The following NAA35 variants were observed in gnomAD, a reference collection of about 807,000 sequenced individuals.
NAA35 encodes N-alpha-acetyltransferase 35, NatC auxiliary subunit.
In NAA35, 18 loss-of-function variants were observed where a neutral mutation model predicts 101.7. The observed-to-expected ratio is 0.18, with a 90% CI of 0.12 to 0.26. NAA35 has a LOEUF of 0.26. Among genes scored for constraint, NAA35 ranks in the 10% least tolerant of loss-of-function variants. The pLI, the probability that NAA35 is intolerant of heterozygous loss-of-function variation, is 1.00. For synonymous variants in NAA35, 267 were observed against 273.1 expected (o/e 0.98, Z 0.22); for missense variants, 601 against 886.8 (o/e 0.68, Z 4.09).
chr9:85,994,587 G>A (rs1447416315), intron 11 of NAA35, among the ~76,000 whole-genome samples: 2 of 152,138 alleles, frequency 1.3e-5, no homozygotes, highest in African/African-American at 2.4e-5. Context: ...AATTGCCTAT[G>A]TAACTCTGGA....
chr9:85,962,108 T>G lies in NAA35; in HGVS notation c.444T>G (p.Ala148=), dbSNP rs1252625182. Residue 148 remains alanine, a synonymous_variant, in exon 6 of 23, where the codon GCT becomes GCG. Transcript: ENST00000361671. ...PDFIEDPAMK[A]FALGILKICD... ...TTATAGAAGATCCTGCTATGAAGGC[T>G]TTTGCTCTGGGAATCTTGAAAATCT... The G allele has an allele frequency of 6.2e-7, 1 of 1,614,138 alleles. No homozygotes were observed. Among genetic ancestry groups the G allele is most frequent in the Admixed American group, 1.7e-5 (1 of 60,016 alleles).
At chr9:85,992,887 T>A (rs992387126) in intron 11 of NAA35, among the ~76,000 whole-genome samples, 3 of 152,174 alleles carry the variant, frequency 2.0e-5, no homozygotes, top group African/African-American at 7.2e-5. Context: ...GGAATAACAC[T>A]CTAAACATAC....
chr9:85,973,749 G>GTT (rs76377524), intron 6 of NAA35, among the ~76,000 whole-genome samples: 82 of 142,880 alleles, frequency 5.7e-4, no homozygotes, highest in African/African-American at 1.9e-3. Flanking sequence ...TATGATGAGT[G>GTT]TTTTTTTTTT....
At chr9:86,000,541 G>C (rs536725746) in intron 12 of NAA35, among the ~76,000 whole-genome samples, 1 of 151,426 alleles carries the variant, frequency 6.6e-6, no homozygotes, top group East Asian at 1.9e-4. Context: ...TTTTTTTTTG[G>C]TTGGTAGGTT....
chr9:85,961,917 G>A lies in NAA35; in HGVS notation c.349-96G>A. The A allele has an allele frequency of 1.3e-6, 1 of 788,006 alleles. No individual in the cohort carries two copies. Among genetic ancestry groups the A allele is most frequent in the Non-Finnish European group, 1.9e-6 (1 of 528,880 alleles). The allele number at this position is 788,006 out of a possible 1,614,324, so 48.8% of individuals were successfully genotyped here. A position where few individuals can be genotyped will look rare whatever the true frequency, so the allele number is the denominator to read the frequency against. ...TTAAGTCTTGTGATTAATCTTATTTGGGTCTATGGTGCTCTGGCCTTTGAC... is the reference window on the plus strand; with the variant it reads ...TTAAGTCTTGTGATTAATCTTATTTAGGTCTATGGTGCTCTGGCCTTTGAC... On this transcript the variant is annotated intron_variant, in intron 5 of 22. Coordinates refer to ENST00000361671, the MANE Select transcript of NAA35 (RefSeq NM_024635.4).
At chr9:86,010,271 T>A (rs1279587072) in intron 15 of NAA35, among the ~76,000 whole-genome samples, 3 of 152,016 alleles carry the variant, frequency 2.0e-5, no homozygotes, top group Middle Eastern at 3.4e-3. Context: ...ATAATAATAA[T>A]AAATTGCTGG....
chr9:85,945,591 T>TCTCGGCTCACTCGGCTCA (rs57640245), intron 2 of NAA35, among the ~76,000 whole-genome samples: 2 of 151,578 alleles, frequency 1.3e-5, no homozygotes, highest in African/African-American at 4.9e-5. Context: ...AGTGGTGCTG[T>TCTCGGCTCACTCGGCTCA]CTCGGCTCAC....
intron 5 of NAA35, among the ~76,000 whole-genome samples, 192 bp from the exon 6 acceptor site, chr9:85,961,821 A>G (rs1829526112): frequency 6.6e-6 from 1 of 152,140 alleles, no homozygotes; most frequent in Non-Finnish European, 1.5e-5. Context: ...TGATTGATGT[A>G]CGACAATGAT....
At chr9:86,007,765 G>A (rs1831713324) in intron 14 of NAA35, among the ~76,000 whole-genome samples, 1 of 152,124 alleles carries the variant, frequency 6.6e-6, no homozygotes. Context: ...TGAAAGGATT[G>A]CATGCAGAAA....
chr9:85,952,464 T>C, intron 2 of NAA35, among the ~76,000 whole-genome samples: 1 of 152,002 alleles, frequency 6.6e-6, no homozygotes. Flanking sequence ...TTTGTATTTT[T>C]AGTTGAGACG....
intron 6 of NAA35, among the ~76,000 whole-genome samples, chr9:85,970,670 A>G (rs1829962635): frequency 6.6e-6 from 1 of 152,222 alleles, no homozygotes; most frequent in South Asian, 2.1e-4. Context: ...AATGTATACT[A>G]CAAAGTACTA....
intron 3 of NAA35, among the ~76,000 whole-genome samples, chr9:85,957,466 C>T (rs1829327930): frequency 6.6e-6 from 1 of 152,100 alleles, no homozygotes; most frequent in African/African-American, 2.4e-5. Context: ...GTAATTCGTT[C>T]CTGGGAGAGC....
chr9:85,948,696 T>C (rs7040368), intron 2 of NAA35, among the ~76,000 whole-genome samples: 3,865 of 152,332 alleles, frequency 0.025, 153 homozygotes, highest in African/African-American at 0.089. Context: ...ATTGATCTTT[T>C]GCTATTAAGA....
rs182854916 is a variant in NAA35, at chr9:86,012,115, C to G, written c.1291-931C>G. Among the ~76,000 whole-genome samples the G allele has an allele frequency of 3.8e-3, 560 of 147,856 alleles. 15 individuals are homozygous for G. The highest frequency in any genetic ancestry group is 1.9e-3 in the Non-Finnish European group (131 of 67,390). On this transcript the variant is annotated intron_variant, in intron 15 of 22. Transcript: ENST00000361671. Reference sequence around the variant, plus strand: ...CATATCACTTTAATTTTTAAACTTTCCCTTTTTTTTTTGTTTTTTTTTGAG... The same window carrying G: ...CATATCACTTTAATTTTTAAACTTTGCCTTTTTTTTTTGTTTTTTTTTGAG...
chr9:86,018,676 A>G (rs1400835242), intron 20 of NAA35, 23 bp from the exon 21 acceptor site: 1 of 1,599,554 alleles, frequency 6.3e-7, no homozygotes, highest in Non-Finnish European at 8.5e-7. Context: ...CGTGTTTTGA[A>G]TTATACTTCC....
rs540934278 is a variant in NAA35, at chr9:86,005,239, C to T, written c.1116+1595C>T. ...TGGTCAGCATAATATACCATATTAT[C>T]TAAAGTCTTAGTAGATTCACAAAAA... On this transcript the variant is annotated intron_variant, in intron 13 of 22. Coordinates refer to ENST00000361671, the MANE Select transcript of NAA35 (RefSeq NM_024635.4). 5.3e-5 allele frequency among the ~76,000 whole-genome samples: 8 copies of T among 152,272 alleles called. No individual in the cohort carries two copies. In the South Asian group the frequency reaches 1.7e-3, roughly 32 times the overall value.
intron 11 of NAA35, among the ~76,000 whole-genome samples, chr9:85,995,540 T>A (rs181444682): frequency 1.3e-5 from 2 of 152,208 alleles, no homozygotes; most frequent in African/African-American, 4.8e-5. Context: ...GGTTTATATA[T>A]CTCAGGGGCA....
At chr9:85,954,234 C>T (rs1324098887) in intron 2 of NAA35, among the ~76,000 whole-genome samples, 1 of 152,134 alleles carries the variant, frequency 6.6e-6, no homozygotes, top group Non-Finnish European at 1.5e-5. Context: ...GTGTGCACCA[C>T]CATGCCTGGC....
chr9:85,976,578 A>C (rs376751335), intron 8 of NAA35, 107 bp from the exon 9 acceptor site: 5 of 761,200 alleles, frequency 6.6e-6, no homozygotes, highest in South Asian at 2.5e-5. Context: ...TATTTTCCCC[A>C]AAAACAGATT....
Sources: gnomAD v4.1 joint callset for allele counts (sites outside exome capture counted in the v4.1 genomes callset) on GRCh38, gnomAD v4.1.1 for gene constraint, MANE v1.5 for transcripts, NCBI Gene and HGNC (gene_info 2026-07-23, HGNC 2026-07-21) for gene names.